Variants in RPS6KA5 observed in about 807,000 individuals in gnomAD.
The protein encoded by RPS6KA5 is ribosomal protein S6 kinase alpha-5.
Under a neutral mutation model 85.5 loss-of-function variants are expected in RPS6KA5, and 27 were observed. The observed-to-expected ratio is 0.32, with a 90% CI of 0.23 to 0.44. The LOEUF is 0.44. Ranked by LOEUF, RPS6KA5 falls within the 20% of genes least tolerant of loss-of-function variation. The pLI is 1.00. For missense variants in RPS6KA5, 811 were observed against 980.9 expected (o/e 0.83, Z 2.31); for synonymous variants, 334 against 348.2 (o/e 0.96, Z 0.46).
rs763295069 is a variant in RPS6KA5, at chr14:90,855,612, A to ATTTTTTTTTGTAT, written c.*16461_*16462insATACAAAAAAAAA. 2.6e-3 allele frequency: 267 copies of ATTTTTTTTTGTAT among 103,394 alleles called. 3 individuals are homozygous for ATTTTTTTTTGTAT. Among genetic ancestry groups the ATTTTTTTTTGTAT allele is most frequent in the South Asian group, 0.012 (43 of 3,526 alleles). 6.4% of individuals were successfully genotyped at this position (103,394 alleles called of 1,614,324 possible). ...ACCACCACGCCCAGCTAATTTTTGT[A>ATTTTTTTTTGTAT]TTTTTTTTTTTTTGAGACAGAGTCT... is the stretch of plus-strand genomic sequence containing the variant. On this transcript the variant is annotated 3_prime_UTR_variant, in exon 17 of 17. Coordinates refer to ENST00000614987, the MANE Select transcript of RPS6KA5 (RefSeq NM_004755.4).
chr14:90,926,626 G>A (rs1378186283), intron 5 of RPS6KA5, among the ~76,000 whole-genome samples: 3 of 150,526 alleles, frequency 2.0e-5, no homozygotes, highest in Non-Finnish European at 4.4e-5. Context: ...AATAAAAAGA[G>A]AGACATATAT....
chr14:90,892,978 C>T (rs1476000963), intron 13 of RPS6KA5, among the ~76,000 whole-genome samples: 1 of 152,132 alleles, frequency 6.6e-6, no homozygotes, highest in African/African-American at 2.4e-5. Flanking sequence ...AATTAAGCTA[C>T]ATAAGTTATC....
intron 13 of RPS6KA5, chr14:90,894,121 A>T: frequency 9.7e-7 from 1 of 1,034,784 alleles, no homozygotes; most frequent in Admixed American, 5.4e-5. Context: ...AAAAATTTCC[A>T]TTGCTATTTT....
At chr14:90,990,248 A>G (rs1416785675) in intron 2 of RPS6KA5, among the ~76,000 whole-genome samples, 1 of 152,212 alleles carries the variant, frequency 6.6e-6, no homozygotes, top group Non-Finnish European at 1.5e-5. Flanking sequence ...AAAAGAAAAC[A>G]TACACATTGC....
chr14:90,931,114 T>A (rs12891452), intron 5 of RPS6KA5, among the ~76,000 whole-genome samples: 1 of 151,962 alleles, frequency 6.6e-6, no homozygotes, highest in African/African-American at 2.4e-5. Flanking sequence ...TTATTCACAA[T>A]AGCCAAGAGG....
intron 1 of RPS6KA5, among the ~76,000 whole-genome samples, chr14:91,026,502 T>A (rs998886253): frequency 1.3e-5 from 2 of 152,168 alleles, no homozygotes; most frequent in Non-Finnish European, 2.9e-5. Context: ...AATGTTGGGA[T>A]TACAGGCATG....
intron 3 of RPS6KA5, among the ~76,000 whole-genome samples, chr14:90,964,197 C>A (rs1341960288): frequency 6.6e-6 from 1 of 152,186 alleles, no homozygotes; most frequent in African/African-American, 2.4e-5. Flanking sequence ...GAAGGCAACA[C>A]ATGTGGCTAA....
At chr14:91,055,213 C>CT (rs2043263286) in intron 1 of RPS6KA5, among the ~76,000 whole-genome samples, 1 of 152,192 alleles carries the variant, frequency 6.6e-6, no homozygotes, top group Non-Finnish European at 1.5e-5. Context: ...TTGGCAGTTT[C>CT]TTACAAAGGT....
chr14:90,945,227 G>A (rs772252212), intron 4 of RPS6KA5, among the ~76,000 whole-genome samples: 1 of 152,158 alleles, frequency 6.6e-6, no homozygotes, highest in African/African-American at 2.4e-5. Flanking sequence ...ACTCCAGCCT[G>A]GGCAACAGAG....
At chr14:90,964,914 CA>C (rs10713991) in intron 3 of RPS6KA5, among the ~76,000 whole-genome samples, 20,746 of 70,722 alleles carry the variant, frequency 0.29, 952 homozygotes, top group East Asian at 0.45. Context: ...GACCCTGTCT[CA>C]AAAAAAAAAA....
chr14:90,974,027 G>C (rs1398597301), intron 3 of RPS6KA5, among the ~76,000 whole-genome samples: 3 of 72,770 alleles, frequency 4.1e-5, no homozygotes, highest in African/African-American at 1.6e-4. Flanking sequence ...GACAGAGTGA[G>C]ACTCCATCTC....
At chr14:90,918,628 C>T (rs891937314) in intron 7 of RPS6KA5, among the ~76,000 whole-genome samples, 3 of 152,176 alleles carry the variant, frequency 2.0e-5, no homozygotes, top group Non-Finnish European at 2.9e-5. Flanking sequence ...ATGTTTCCTT[C>T]CAGAAGTTTT....
chr14:90,930,867 A>C (rs2036934001), intron 5 of RPS6KA5, among the ~76,000 whole-genome samples: 1 of 152,222 alleles, frequency 6.6e-6, no homozygotes, highest in East Asian at 1.9e-4. Flanking sequence ...CAGCCACTAT[A>C]ATAACAAAAA....
intron 15 of RPS6KA5, 23 bp from the exon 16 acceptor site, chr14:90,873,818 T>A (rs201098836): frequency 6.3e-7 from 1 of 1,596,622 alleles, no homozygotes; most frequent in East Asian, 2.2e-5. Context: ...ATATTTTTAT[T>A]TTATGATTTG....
chr14:90,990,167 G>A (rs543324051), intron 2 of RPS6KA5, among the ~76,000 whole-genome samples: 17 of 151,968 alleles, frequency 1.1e-4, no homozygotes, highest in African/African-American at 3.6e-4. Flanking sequence ...GAAAGTAGGC[G>A]GACAAATCAA....
At position 90,855,612 on chromosome 14, in the gene RPS6KA5, A is replaced by AT. The variant is rs1555353429; in HGVS notation, c.*16461dup. On this transcript the variant is annotated 3_prime_UTR_variant, in exon 17 of 17. Coordinates refer to ENST00000614987, the MANE Select transcript of RPS6KA5 (RefSeq NM_004755.4). ...ACCACCACGCCCAGCTAATTTTTGT[A>AT]TTTTTTTTTTTTTGAGACAGAGTCT... 5.7e-4 allele frequency: 59 copies of AT among 103,430 alleles called. No homozygotes were observed. The highest frequency in any genetic ancestry group is 5.0e-3 in the Middle Eastern group (1 of 200). 6.4% of individuals were successfully genotyped at this position (103,430 alleles called of 1,614,324 possible). A position where few individuals can be genotyped will look rare whatever the true frequency, so the allele number is the denominator to read the frequency against.
Position 91,001,166 on chromosome 14 carries a change from G to C in RPS6KA5, c.104-7C>G. 1 of 1,564,400 alleles carries C rather than the reference G, an allele frequency of 6.4e-7. No individual in the cohort carries two copies. Among genetic ancestry groups the C allele is most frequent in the Non-Finnish European group, 8.7e-7 (1 of 1,153,916 alleles). ...GCATGTCCTGTCAAATTAGCTAAAA[G>C]AAAAAAAGAGGAAAAAAAAAACAAG... On this transcript the variant is annotated splice_polypyrimidine_tract_variant and splice_region_variant and intron_variant, in intron 1 of 16. Coordinates refer to ENST00000614987, the MANE Select transcript of RPS6KA5 (RefSeq NM_004755.4).
intron 7 of RPS6KA5, among the ~76,000 whole-genome samples, chr14:90,907,000 A>G (rs2035540979): frequency 6.6e-6 from 1 of 152,208 alleles, no homozygotes; most frequent in Non-Finnish European, 1.5e-5. Flanking sequence ...ATAAAAACAT[A>G]AGATGGTAAT....
At chr14:90,898,501 T>C (rs896370081) in intron 12 of RPS6KA5, among the ~76,000 whole-genome samples, 1 of 152,142 alleles carries the variant, frequency 6.6e-6, no homozygotes, top group Non-Finnish European at 1.5e-5. Flanking sequence ...AGAACTGGAG[T>C]ACAGGTTCTC....
Sources: gnomAD v4.1 joint callset for allele counts (sites outside exome capture counted in the v4.1 genomes callset) on GRCh38, gnomAD v4.1.1 for gene constraint, MANE v1.5 for transcripts, NCBI Gene and HGNC (gene_info 2026-07-23, HGNC 2026-07-21) for gene names.